Variants in PGBD5 observed in about 807,000 individuals in gnomAD.
PGBD5 encodes the protein piggyBac transposable element derived 5, also known as piggyBac transposable element-derived protein 5.
Under a neutral mutation model 47.9 loss-of-function variants are expected in PGBD5, and 14 were observed. The ratio of observed to expected loss-of-function variants is 0.29; its 90% confidence interval spans 0.19 to 0.46. The LOEUF (loss-of-function observed/expected upper bound fraction) is 0.46. Ranked by LOEUF, PGBD5 falls within the 20% of genes least tolerant of loss-of-function variation. PGBD5 has a pLI of 1.00. For synonymous variants in PGBD5, 316 were observed against 306.3 expected (o/e 1.03, Z -0.33); for missense variants, 635 against 716.0 (o/e 0.89, Z 1.29).
chr1:230,335,818 C>CACACACAGA (rs1667311451), intron 4 of PGBD5, among the ~76,000 whole-genome samples: 1 of 143,372 alleles, frequency 7.0e-6, no homozygotes, highest in African/African-American at 2.6e-5. Flanking sequence ...GACACATACA[C>CACACACAGA]TGACACAGAC....
chr1:230,383,245 A>AT (rs551875447), intron 1 of PGBD5, among the ~76,000 whole-genome samples: 8 of 151,408 alleles, frequency 5.3e-5, no homozygotes, highest in South Asian at 4.2e-4. Flanking sequence ...AATTAAAAAA[A>AT]TTTTTTTTTG....
At chr1:230,325,516 A>G (rs1328914339) in intron 5 of PGBD5, 101 bp from the exon 6 acceptor site, 1 of 790,930 alleles carries the variant, frequency 1.3e-6, no homozygotes, top group South Asian at 1.6e-5. Context: ...TCCCAACTTA[A>G]TAATGAGCAG....
chr1:230,385,243 T>A (rs941552210), intron 1 of PGBD5, among the ~76,000 whole-genome samples: 5 of 152,160 alleles, frequency 3.3e-5, no homozygotes, highest in Non-Finnish European at 7.3e-5. Flanking sequence ...GGCCTTGACT[T>A]TGAATTGAGA....
chr1:230,358,201 C>T (rs553906601), intron 1 of PGBD5, among the ~76,000 whole-genome samples: 22 of 152,248 alleles, frequency 1.4e-4, no homozygotes, highest in African/African-American at 5.3e-4. Flanking sequence ...GCAGACCCCA[C>T]GCTTTCCCTG....
At chr1:230,397,891 G>A (rs1382140822) in intron 1 of PGBD5, among the ~76,000 whole-genome samples, 3 of 152,172 alleles carry the variant, frequency 2.0e-5, no homozygotes, top group Non-Finnish European at 2.9e-5. Context: ...TGGCTTTGGG[G>A]GTAGCGTCCC....
chr1:230,403,027 C>T (rs1310683541), intron 1 of PGBD5, among the ~76,000 whole-genome samples: 1 of 152,166 alleles, frequency 6.6e-6, no homozygotes, highest in Non-Finnish European at 1.5e-5. Context: ...AGCTGCCCAT[C>T]GGTGTGTAAT....
intron 2 of PGBD5, among the ~76,000 whole-genome samples, chr1:230,355,769 GAGA>G (rs985879786): frequency 1.3e-5 from 2 of 152,216 alleles, no homozygotes; most frequent in South Asian, 2.1e-4. Flanking sequence ...GCAAGGCAGA[GAGA>G]AGAAGGCGGC....
chr1:230,390,378 A>C (rs112016568), intron 1 of PGBD5, among the ~76,000 whole-genome samples: 3 of 152,178 alleles, frequency 2.0e-5, no homozygotes, highest in African/African-American at 7.2e-5. Flanking sequence ...CCCAAACCCC[A>C]TTCTTGGCTC....
chr1:230,412,069 T>C (rs1474781181), intron 1 of PGBD5, among the ~76,000 whole-genome samples: 4 of 152,194 alleles, frequency 2.6e-5, no homozygotes, highest in African/African-American at 7.2e-5. Context: ...CCAAGTTTTC[T>C]ACATGGGTTA....
rs1657210992 is a variant in PGBD5 at position 230,404,091 on chromosome 1, G to A, written c.331+21507C>T. 2.6e-5 allele frequency among the ~76,000 whole-genome samples: 4 copies of A among 152,296 alleles called. 1 individual carries two copies. In the South Asian group the frequency reaches 8.3e-4, roughly 32 times the overall value. On this transcript the variant is annotated intron_variant, in intron 1 of 6. Transcript: ENST00000391860. ...AAGATCAAGACCAGGAAAGAACAGA[G>A]TGGAAGATGCCGGGTGGAAGGCGTC... is the stretch of plus-strand genomic sequence containing the variant.
chr1:230,415,117 A>C (rs1019506893), intron 1 of PGBD5, among the ~76,000 whole-genome samples: 2 of 152,066 alleles, frequency 1.3e-5, no homozygotes, highest in African/African-American at 2.4e-5. Context: ...AATTAAAAAG[A>C]ATTAGGTGGG....
In PGBD5 at chr1:230,315,897, TG is replaced by T. The variant is rs1666930285; in HGVS notation, c.*7527del. 1 of 150,688 alleles carries T rather than the reference TG, an allele frequency of 6.6e-6. No homozygotes were observed. The highest frequency in any genetic ancestry group is 1.5e-5 in the Non-Finnish European group (1 of 67,654). 9.3% of individuals were successfully genotyped at this position (150,688 alleles called of 1,614,324 possible). A position where few individuals can be genotyped will look rare whatever the true frequency, so the allele number is the denominator to read the frequency against. ...ATATATGGATACATACATATTTATG[TG>T]TACACATATATGTATATGTGTATAT... On this transcript the variant is annotated 3_prime_UTR_variant, in exon 7 of 7. Transcript: ENST00000391860.
chr1:230,395,949 C>CA (rs1656942693), intron 1 of PGBD5, among the ~76,000 whole-genome samples: 1 of 78,654 alleles, frequency 1.3e-5, no homozygotes, highest in Non-Finnish European at 2.4e-5. Context: ...CTCCCTTTTA[C>CA]TTCCCACCCT....
At position 230,315,245 on chromosome 1, in the gene PGBD5, G is replaced by C. The variant is rs1038993377; in HGVS notation, c.*8180C>G. Reference sequence around the variant, plus strand: ...TGAAGGAACCAGCTGCCTCTAGTGGGAGACAGAGTAAAGGCAGAGGGGCCC... The same window carrying C: ...TGAAGGAACCAGCTGCCTCTAGTGGCAGACAGAGTAAAGGCAGAGGGGCCC... On this transcript the variant is annotated 3_prime_UTR_variant, in exon 7 of 7. Coordinates refer to ENST00000391860, the MANE Select transcript of PGBD5 (RefSeq NM_001258311.2). 9.9e-5 allele frequency: 15 copies of C among 152,246 alleles called. No individual in the cohort carries two copies. The highest frequency in any genetic ancestry group is 7.2e-4 in the Admixed American group (11 of 15,280). The allele number at this position is 152,246 out of a possible 1,614,324, so 9.4% of individuals were successfully genotyped here.
At chr1:230,344,243 C>T (rs961667477) in intron 3 of PGBD5, among the ~76,000 whole-genome samples, 1 of 152,004 alleles carries the variant, frequency 6.6e-6, no homozygotes, top group African/African-American at 2.4e-5. Flanking sequence ...CGAGATCACG[C>T]CACTACACTC....
intron 5 of PGBD5, 129 bp downstream of exon 5, chr1:230,332,715 A>C: frequency 2.8e-6 from 3 of 1,069,534 alleles, no homozygotes; most frequent in Non-Finnish European, 4.1e-6. Context: ...GCTGGGGAAT[A>C]ACCGAGGGTA....
chr1:230,377,386 T>C (rs1558204754), intron 1 of PGBD5: 3 of 1,221,322 alleles, frequency 2.5e-6, no homozygotes, highest in East Asian at 5.1e-5. Flanking sequence ...CAACACGTGA[T>C]AAATCCTTCA....
At chr1:230,344,462 G>T (rs1356898607) in intron 3 of PGBD5, among the ~76,000 whole-genome samples, 1 of 152,218 alleles carries the variant, frequency 6.6e-6, no homozygotes, top group Non-Finnish European at 1.5e-5. Context: ...GAGAAAAAAT[G>T]AATCCTGCAT....
intron 1 of PGBD5, among the ~76,000 whole-genome samples, chr1:230,414,012 C>T (rs1321256469): frequency 1.3e-5 from 2 of 152,196 alleles, no homozygotes; most frequent in African/African-American, 4.8e-5. Context: ...TCTACCTCTG[C>T]AGCTGATAAA....
Sources: allele counts gnomAD v4.1 joint callset (sites outside exome capture counted in the v4.1 genomes callset), GRCh38; gene constraint gnomAD v4.1.1; transcripts MANE v1.5; gene names NCBI Gene and HGNC (gene_info 2026-07-23, HGNC 2026-07-21).